GSTT2B: variants seen among roughly 807,000 people sequenced by gnomAD.
The protein encoded by GSTT2B is glutathione S-transferase theta-2B.
GSTT2B carries 4 observed loss-of-function variants against 16.6 expected under a neutral mutation model. That is an observed-to-expected ratio of 0.24 (90% CI 0.12 to 0.55). GSTT2B has a LOEUF of 0.55. GSTT2B is among the 20% of genes least tolerant of loss of function. The probability of loss-of-function intolerance (pLI) is 0.94; values close to 1 mark genes in which losing one functional copy is unlikely to be tolerated. For missense variants in GSTT2B, 27 were observed against 266.1 expected, an observed-to-expected ratio of 0.10 and a Z score of 6.25; for synonymous variants, 9 against 110.9, an observed-to-expected ratio of 0.08 and a Z score of 5.77.
intron 1 of GSTT2B, 100 bp from the exon 2 acceptor site, chr22:23,960,481 C>T: frequency 7.3e-7 from 1 of 1,376,848 alleles, no homozygotes; most frequent in Non-Finnish European, 1.0e-6. Context: ...CCCTGAGAAA[C>T]AGCAAGGTCT....
At chr22:23,960,764 G>A (rs1267984308) in intron 1 of GSTT2B, among the ~76,000 whole-genome samples, 71 of 131,478 alleles carry the variant, frequency 5.4e-4, no homozygotes, top group African/African-American at 1.8e-3. Context: ...CAAGAACTCT[G>A]TCAACTCCAT....
chr22:23,959,641 T>G (rs71320059), intron 2 of GSTT2B, among the ~76,000 whole-genome samples: 2,383 of 84,220 alleles, frequency 0.028, 265 homozygotes, highest in Middle Eastern at 0.055. Flanking sequence ...GCAGTGGTGC[T>G]ATCTCTGCTC....
intron 2 of GSTT2B, among the ~76,000 whole-genome samples, chr22:23,959,504 C>T (rs1308793364): frequency 2.9e-5 from 3 of 102,320 alleles, no homozygotes; most frequent in Non-Finnish European, 4.7e-5. Context: ...CTGCTCATCC[C>T]GGTCACACCC....
intron 2 of GSTT2B, among the ~76,000 whole-genome samples, chr22:23,959,988 A>T (rs879695179): frequency 8.0e-6 from 1 of 125,142 alleles, no homozygotes; most frequent in Non-Finnish European, 1.8e-5. Context: ...CTCAGCCTCC[A>T]GAGTAGCTGG....
At chr22:23,959,240 C>G (rs999872031) in intron 2 of GSTT2B, among the ~76,000 whole-genome samples, 3 of 126,150 alleles carry the variant, frequency 2.4e-5, no homozygotes, top group African/African-American at 9.1e-5. Context: ...TTTTCCTGCC[C>G]AGCAGCTGGA....
intron 1 of GSTT2B, 48 bp downstream of exon 1, chr22:23,960,971 TG>T (rs2033833556): frequency 1.8e-6 from 1 of 550,938 alleles, no homozygotes; most frequent in East Asian, 3.2e-5. Context: ...GGCGGGGGCC[TG>T]GGGGTGCACT....
At position 23,960,221 on chromosome 22, in the gene GSTT2B, G is replaced by C; in HGVS notation, c.200+73C>G. ...CCATGGGGTATGGGAGGGCCACTGG[G>C]GCCCGGGGCCAGTGGGGAGAGCCAA... On this transcript the variant is annotated intron_variant, in intron 2 of 4. Transcript: ENST00000290765. 5.8e-6 allele frequency: 9 copies of C among 1,562,658 alleles called. No individual in the cohort carries two copies. In the South Asian group the frequency reaches 1.0e-4, roughly 17 times the overall value.
rs902166124 is a variant in GSTT2B, at chr22:23,959,217, T to C, written c.201-516A>G. On this transcript the variant is annotated intron_variant, in intron 2 of 4. Transcript: ENST00000290765. ...CCCAGCCATCACTTCTGCAGCCACCTGACCTCTTGTCCTTTTCCTGCCCAG... is the reference window on the plus strand; with the variant it reads ...CCCAGCCATCACTTCTGCAGCCACCCGACCTCTTGTCCTTTTCCTGCCCAG... Among the ~76,000 whole-genome samples, 103 of 132,898 alleles carry C rather than the reference T, an allele frequency of 7.8e-4. 2 individuals are homozygous for C. Among genetic ancestry groups the C allele is most frequent in the Non-Finnish European group, 1.4e-3 (85 of 62,582 alleles). 87.2% of individuals were successfully genotyped at this position (132,898 alleles called of 152,430 possible).
chr22:23,960,838 G>C (rs1208080666), intron 1 of GSTT2B, among the ~76,000 whole-genome samples, 182 bp downstream of exon 1: 1 of 147,066 alleles, frequency 6.8e-6, no homozygotes, highest in Non-Finnish European at 1.5e-5. Flanking sequence ...CAGAAGGCAA[G>C]CTAAGGTTCA....
chr22:23,959,705 G>A (rs527475344), intron 2 of GSTT2B, among the ~76,000 whole-genome samples: 51 of 102,694 alleles, frequency 5.0e-4, no homozygotes, highest in South Asian at 1.3e-3. Flanking sequence ...AGCCTCCCCA[G>A]TAGCTGGGAC....
chr22:23,960,024 C>T (rs868206495), intron 2 of GSTT2B, among the ~76,000 whole-genome samples: 3 of 140,674 alleles, frequency 2.1e-5, no homozygotes, highest in Admixed American at 7.2e-5. Flanking sequence ...CCACCACGCC[C>T]GGTTAATTTT....
At chr22:23,960,101 G>C (rs1180754849) in intron 2 of GSTT2B, among the ~76,000 whole-genome samples, 193 bp downstream of exon 2, 10 of 149,146 alleles carry the variant, frequency 6.7e-5, no homozygotes, top group Non-Finnish European at 1.5e-4. Flanking sequence ...TCCTGACCTC[G>C]TGATCCGCCC....
chr22:23,960,009 G>A (rs549765991), intron 2 of GSTT2B, among the ~76,000 whole-genome samples: 740 of 142,442 alleles, frequency 5.2e-3, no homozygotes, highest in Non-Finnish European at 9.3e-3. Flanking sequence ...GACTACAGAC[G>A]CCCGCCACCA....
At chr22:23,959,950 G>A (rs1161432309) in intron 2 of GSTT2B, among the ~76,000 whole-genome samples, 2 of 105,074 alleles carry the variant, frequency 1.9e-5, no homozygotes, top group South Asian at 3.7e-4. Context: ...TGCAAGCTCC[G>A]CTTCCTGGGT....
intron 2 of GSTT2B, 73 bp downstream of exon 2, chr22:23,960,221 G>A: frequency 6.4e-7 from 1 of 1,562,658 alleles, no homozygotes; most frequent in African/African-American, 1.3e-5. Flanking sequence ...GGGCCACTGG[G>A]GCCCGGGGCC....
chr22:23,959,664 G>A (rs1247786766), intron 2 of GSTT2B, among the ~76,000 whole-genome samples: 13 of 103,294 alleles, frequency 1.3e-4, no homozygotes, highest in Non-Finnish European at 2.8e-4. Context: ...TGCAAGCTCC[G>A]CCTCCTGGGT....
chr22:23,960,595 G>A (rs2033830312), intron 1 of GSTT2B, among the ~76,000 whole-genome samples: 1 of 97,576 alleles, frequency 1.0e-5, no homozygotes, highest in African/African-American at 3.0e-5. Flanking sequence ...AGGTGCAGCA[G>A]GTGGATAAAG....
At chr22:23,960,087 G>A (rs1201257051) in intron 2 of GSTT2B, among the ~76,000 whole-genome samples, 1 of 148,876 alleles carries the variant, frequency 6.7e-6, no homozygotes, top group East Asian at 2.0e-4. Context: ...GGATGGTCTC[G>A]GTCTCCTGAC....
At chr22:23,960,254 T>G in intron 2 of GSTT2B, 40 bp downstream of exon 2, 1 of 1,609,144 alleles carries the variant, frequency 6.2e-7, no homozygotes. Flanking sequence ...CAAGGTCACA[T>G]GGGCTCCGGA....
Sources: gnomAD v4.1 joint callset for allele counts (sites outside exome capture counted in the v4.1 genomes callset) on GRCh38, gnomAD v4.1.1 for gene constraint, MANE v1.5 for transcripts, NCBI Gene and HGNC (gene_info 2026-07-23, HGNC 2026-07-21) for gene names.